Variants in EXD1 observed in about 807,000 individuals in gnomAD.
EXD1 encodes exonuclease 3'-5' domain containing 1.
In EXD1, 63 loss-of-function variants were observed where a neutral mutation model predicts 49.1. The observed-to-expected ratio is 1.28, with a 90% CI of 1.05 to 1.58. EXD1 has a LOEUF of 1.58. Ranked by LOEUF, EXD1 falls within the 40% of genes most tolerant of loss-of-function variation. The pLI, the probability that EXD1 is intolerant of heterozygous loss-of-function variation, is 0.00. For missense variants in EXD1, 748 were observed against 666.0 expected (o/e 1.12, Z -1.36); for synonymous variants, 234 against 239.2 (o/e 0.98, Z 0.20).
chr15:41,223,404 A>G (rs997325109), intron 2 of EXD1, among the ~76,000 whole-genome samples: 23 of 151,790 alleles, frequency 1.5e-4, no homozygotes, highest in African/African-American at 5.3e-4. Context: ...TGAATGACAG[A>G]GCAAGACTCT....
intron 6 of EXD1, among the ~76,000 whole-genome samples, chr15:41,210,559 C>T (rs567420312): frequency 6.6e-6 from 1 of 152,098 alleles, no homozygotes; most frequent in East Asian, 1.9e-4. Context: ...GTGGTGCACA[C>T]CTGCAGTGTA....
At chr15:41,204,861 T>C (rs1239293341) in intron 7 of EXD1, among the ~76,000 whole-genome samples, 1 of 152,232 alleles carries the variant, frequency 6.6e-6, no homozygotes, top group African/African-American at 2.4e-5. Context: ...ACCCACCTTA[T>C]TTGACAGTAG....
At position 41,230,745 on chromosome 15, in the gene EXD1, T is replaced by G; in HGVS notation, c.-320A>C. 1.7e-6 allele frequency: 1 copy of G among 583,826 alleles called. No individual in the cohort carries two copies. Among genetic ancestry groups the G allele is most frequent in the Non-Finnish European group, 3.0e-6 (1 of 334,130 alleles). 36.2% of individuals were successfully genotyped at this position (583,826 alleles called of 1,614,324 possible). On this transcript the variant is annotated 5_prime_UTR_variant, in exon 1 of 12. Coordinates refer to ENST00000458580, the MANE Select transcript of EXD1 (RefSeq NM_001286441.2). ...GAGGCGACGCCCGCCCGGCCCAACG[T>G]CCAGTCTCGTCTGTTTCCCGAGGAG...
chr15:41,227,632 C>T (rs1348275869), intron 1 of EXD1, among the ~76,000 whole-genome samples: 3 of 145,868 alleles, frequency 2.1e-5, no homozygotes, highest in Non-Finnish European at 3.0e-5. Flanking sequence ...ATTTAGAGAT[C>T]GCGCCACTGT....
chr15:41,186,692 G>A (rs1405231399), intron 11 of EXD1, among the ~76,000 whole-genome samples: 2 of 151,644 alleles, frequency 1.3e-5, no homozygotes, highest in East Asian at 1.9e-4. Flanking sequence ...GCACATTTCC[G>A]TATAACCTAT....
rs749828061 is a variant in EXD1, at chr15:41,184,538, T to C, written c.1112A>G (p.Gln371Arg). The change falls in exon 12 of 12, where the codon CAG becomes CGG. Residue 371 changes from glutamine to arginine, a missense_variant. By Grantham distance (43) the Gln-to-Arg change is conservative (BLOSUM62 1). Coordinates refer to ENST00000458580, the MANE Select transcript of EXD1 (RefSeq NM_001286441.2). ...ELLQLKDFQK[Q>R]RREKAAREYR... ...TTCTCTTGCAGCTTTCTCCCTGCGCTGCTTCTGGAAGTCCTTGAGTTGAAG... is the reference window on the plus strand; with the variant it reads ...TTCTCTTGCAGCTTTCTCCCTGCGCCGCTTCTGGAAGTCCTTGAGTTGAAG... 3.7e-6 allele frequency: 6 copies of C among 1,610,860 alleles called. No homozygotes were observed. In the Admixed American group the frequency reaches 1.0e-4, roughly 27 times the overall value.
rs574887152 is a variant in EXD1, at chr15:41,195,584, G to A, written c.720+191C>T. 7.3e-5 allele frequency among the ~76,000 whole-genome samples: 11 copies of A among 151,508 alleles called. No homozygotes were observed. In the East Asian group the frequency reaches 2.1e-3, roughly 29 times the overall value. Reference sequence around the variant, plus strand: ...ATAAATAATTTTAAGCAACTTTACTGCAGTGCTTTTATAGAACACCAAATG... The same window carrying A: ...ATAAATAATTTTAAGCAACTTTACTACAGTGCTTTTATAGAACACCAAATG... On this transcript the variant is annotated intron_variant, in intron 9 of 11. Coordinates refer to ENST00000458580, the MANE Select transcript of EXD1 (RefSeq NM_001286441.2).
intron 7 of EXD1, among the ~76,000 whole-genome samples, chr15:41,198,700 T>TA (rs147985730): frequency 0.26 from 39,351 of 149,140 alleles, 6,997 homozygotes; most frequent in African/African-American, 0.51. Context: ...ATTTTTTAAT[T>TA]AAAAAAAATT....
chr15:41,199,746 AT>A (rs1595436573), intron 7 of EXD1, among the ~76,000 whole-genome samples: 1 of 68,232 alleles, frequency 1.5e-5, no homozygotes, highest in Non-Finnish European at 2.7e-5. Context: ...TATGTCATAT[AT>A]TATATATGAT....
intron 2 of EXD1, among the ~76,000 whole-genome samples, chr15:41,223,001 A>C (rs1346335295): frequency 6.7e-6 from 1 of 149,322 alleles, no homozygotes. Context: ...CCCAGGCTGG[A>C]GTGCAGGAGC....
rs1466445278 is a variant in EXD1 at position 41,216,553 on chromosome 15, T to G, written c.388+115A>C. ...GGCAGAGGCAGGATAATTGCTTGAATCCAGGAGGTGGAGGTTGCAGTGAGC... is the reference window on the plus strand; with the variant it reads ...GGCAGAGGCAGGATAATTGCTTGAAGCCAGGAGGTGGAGGTTGCAGTGAGC... On this transcript the variant is annotated intron_variant, in intron 5 of 11. Transcript: ENST00000458580. 3.7e-6 allele frequency: 4 copies of G among 1,071,606 alleles called. No individual in the cohort carries two copies. In the East Asian group the frequency reaches 1.1e-4, roughly 29 times the overall value. 66.4% of individuals were successfully genotyped at this position (1,071,606 alleles called of 1,614,324 possible).
In EXD1 at chr15:41,209,541, C is replaced by A; in HGVS notation, c.494G>T (p.Gly165Val). 1 of 1,614,192 alleles carries A rather than the reference C, an allele frequency of 6.2e-7. No homozygotes were observed. Among genetic ancestry groups the A allele is most frequent in the East Asian group, 2.2e-5 (1 of 44,890 alleles). Residue 165 changes from glycine (G) to valine (V), a missense_variant, in exon 7 of 12, where the codon GGA (glycine) becomes GTA (valine). Transcript: ENST00000458580. Reference protein sequence around the residue: ...KQNVLSVAAEGANVCRHGKLC... With the variant: ...KQNVLSVAAEVANVCRHGKLC... Reference sequence around the variant, plus strand: ...TTTGCCATGGCGACATACATTCGCTCCTTCTGCTGCCACACTCAGGACATT... The same window carrying A: ...TTTGCCATGGCGACATACATTCGCTACTTCTGCTGCCACACTCAGGACATT...
At chr15:41,214,664 T>G (rs1043694197) in intron 6 of EXD1, among the ~76,000 whole-genome samples, 2 of 152,324 alleles carry the variant, frequency 1.3e-5, no homozygotes, top group East Asian at 3.9e-4. Flanking sequence ...CCTGTCACAC[T>G]GACCTCCCTG....
chr15:41,197,006 G>A (rs1207944490), intron 7 of EXD1, among the ~76,000 whole-genome samples: 1 of 151,476 alleles, frequency 6.6e-6, no homozygotes, highest in African/African-American at 2.4e-5. Flanking sequence ...TGTATTTTTT[G>A]TAGAGACTGG....
chr15:41,199,304 T>C (rs1033200155), intron 7 of EXD1, among the ~76,000 whole-genome samples: 2 of 151,758 alleles, frequency 1.3e-5, no homozygotes, highest in African/African-American at 4.8e-5. Context: ...CCAAGGCTGA[T>C]CTTGAATTCT....
chr15:41,195,544 G>A (rs554720572), intron 9 of EXD1, among the ~76,000 whole-genome samples: 1 of 151,942 alleles, frequency 6.6e-6, no homozygotes, highest in Non-Finnish European at 1.5e-5. Flanking sequence ...GGAGCAAAAT[G>A]AGGAAAACAT....
rs372691735 is a variant in EXD1 at position 41,209,470 on chromosome 15, T to G, written c.534+31A>C. On this transcript the variant is annotated intron_variant, in intron 7 of 11. Coordinates refer to ENST00000458580, the MANE Select transcript of EXD1 (RefSeq NM_001286441.2). ...ATCTACCAGTGGCTCTATAATTACTTCAAAATAAAAAGTTTTCAAAAATCT... is the reference window on the plus strand; with the variant it reads ...ATCTACCAGTGGCTCTATAATTACTGCAAAATAAAAAGTTTTCAAAAATCT... The G allele has an allele frequency of 3.9e-4, 618 of 1,598,404 alleles. 2 individuals are homozygous for G. Among genetic ancestry groups the G allele is most frequent in the Non-Finnish European group, 4.6e-4 (544 of 1,173,308 alleles).
At position 41,230,607 on chromosome 15, in the gene EXD1, G is replaced by A. The variant is rs1457791758; in HGVS notation, c.-182C>T. The A allele has an allele frequency of 2.6e-6, 4 of 1,556,490 alleles. No individual in the cohort carries two copies. The highest frequency in any genetic ancestry group is 2.3e-5 in the South Asian group (2 of 88,628). On this transcript the variant is annotated 5_prime_UTR_variant, in exon 1 of 12. Coordinates refer to ENST00000458580, the MANE Select transcript of EXD1 (RefSeq NM_001286441.2). ...CTTCAGTCTAGAACTAAAAGAAGAG[G>A]GGCTGCAATGAAGGAAGAAGTCTCG...
intron 7 of EXD1, among the ~76,000 whole-genome samples, chr15:41,203,508 A>G (rs2046766856): frequency 1.3e-5 from 2 of 152,172 alleles, no homozygotes; most frequent in Non-Finnish European, 2.9e-5. Context: ...TCTGACCTTC[A>G]GCCCTGCTGT....
Sources: allele counts gnomAD v4.1 joint callset (sites outside exome capture counted in the v4.1 genomes callset), GRCh38; gene constraint gnomAD v4.1.1; transcripts MANE v1.5; gene names NCBI Gene and HGNC (gene_info 2026-07-23, HGNC 2026-07-21).